The following NF1 variants were observed in gnomAD, a reference collection of about 807,000 sequenced individuals.
NF1 encodes the protein neurofibromin 1.
A neutral mutation model predicts 325.7 loss-of-function variants in NF1; 122 were observed. The observed-to-expected ratio is 0.37, with a 90% CI of 0.32 to 0.44. The LOEUF (loss-of-function observed/expected upper bound fraction) is 0.44. Ranked by LOEUF, NF1 falls within the 20% of genes least tolerant of loss-of-function variation. The pLI is 1.00. For synonymous variants in NF1, 1,091 were observed against 1,186.0 expected (o/e 0.92, Z 1.65); for missense variants, 2,140 against 3,415.4 (o/e 0.63, Z 9.31).
intron 1 of NF1, among the ~76,000 whole-genome samples, chr17:31,148,074 T>TA (rs1937319135): frequency 6.6e-6 from 1 of 152,226 alleles, no homozygotes; most frequent in Admixed American, 6.5e-5. Context: ...TTTGGAATCT[T>TA]AGTGTTGCTA....
chr17:31,356,734 A>G, intron 52 of NF1, 152 bp downstream of exon 52: 1 of 1,235,178 alleles, frequency 8.1e-7, no homozygotes, highest in Non-Finnish European at 1.1e-6. Flanking sequence ...CATTCAAGAC[A>G]GTTATCTTGA....
In NF1 at chr17:31,226,581, A is replaced by G. The variant is rs2067018833; in HGVS notation, c.2148A>G (p.Glu716=). ...AMSCFRHLCE[E]ADIRCGVDEV... is the part of the protein sequence containing the mutation. ...CCTGTTTCCGCCACCTCTGTGAGGAAGCAGATATCCGGTGTGGGGTGGATG... is the reference window on the plus strand; with the variant it reads ...CCTGTTTCCGCCACCTCTGTGAGGAGGCAGATATCCGGTGTGGGGTGGATG... The change falls in exon 18 of 58, where the codon GAA becomes GAG. Residue 716 remains glutamate, a synonymous_variant. Transcript: ENST00000358273. 6.2e-7 allele frequency: 1 copy of G among 1,613,888 alleles called. No individual in the cohort carries two copies. Among genetic ancestry groups the G allele is most frequent in the Non-Finnish European group, 8.5e-7 (1 of 1,179,804 alleles).
intron 56 of NF1, chr17:31,359,604 C>T (rs1268905811): frequency 6.4e-6 from 1 of 156,468 alleles, no homozygotes. Context: ...AGACTACAGG[C>T]ATGCAGCACC....
chr17:31,136,544 TCTTA>T (rs1915797350), intron 1 of NF1: 1 of 152,150 alleles, frequency 6.6e-6, no homozygotes, highest in African/African-American at 2.4e-5. Flanking sequence ...TCCTGCTTCG[TCTTA>T]CTTGGGATGC....
chr17:31,235,225 A>C (rs1175396013), intron 27 of NF1, among the ~76,000 whole-genome samples: 1 of 152,180 alleles, frequency 6.6e-6, no homozygotes, highest in African/African-American at 2.4e-5. Flanking sequence ...TCTTCTGATC[A>C]TCAATCTTAT....
At chr17:31,222,037 A>G (rs2066933447) in intron 15 of NF1, 108 bp downstream of exon 15, 3 of 1,314,080 alleles carry the variant, frequency 2.3e-6, no homozygotes, top group Admixed American at 6.9e-5. Flanking sequence ...TTACACTTCC[A>G]AAGGTTTTAT....
At chr17:31,209,109 A>G (rs2066676304) in intron 12 of NF1, among the ~76,000 whole-genome samples, 1 of 152,076 alleles carries the variant, frequency 6.6e-6, no homozygotes, top group Admixed American at 6.5e-5. Context: ...ACTAGATGCC[A>G]ATATTCCCTT....
At chr17:31,129,995 C>T (rs1463831835) in intron 1 of NF1, among the ~76,000 whole-genome samples, 1 of 149,974 alleles carries the variant, frequency 6.7e-6, no homozygotes, top group Non-Finnish European at 1.5e-5. Context: ...GATGCTCTGG[C>T]TTTTTGAGTC....
chr17:31,285,004 A>G (rs184051585), intron 36 of NF1, among the ~76,000 whole-genome samples: 1 of 151,574 alleles, frequency 6.6e-6, no homozygotes, highest in East Asian at 1.9e-4. Context: ...CTGTAATTCC[A>G]GCTACTCAGG....
intron 8 of NF1, among the ~76,000 whole-genome samples, chr17:31,186,448 G>C (rs2066240846): frequency 6.6e-6 from 1 of 152,222 alleles, no homozygotes; most frequent in Non-Finnish European, 1.5e-5. Flanking sequence ...AGTGCACGTG[G>C]TTGTGTACTT....
chr17:31,349,485 A>C (rs1265109745), intron 49 of NF1, among the ~76,000 whole-genome samples: 1 of 152,200 alleles, frequency 6.6e-6, no homozygotes, highest in Non-Finnish European at 1.5e-5. Flanking sequence ...CTTTGGTTCA[A>C]GACACTACAG....
At chr17:31,294,898 G>A (rs2068427928) in intron 36 of NF1, 23 of 1,412,162 alleles carry the variant, frequency 1.6e-5, no homozygotes, top group South Asian at 2.3e-5. Flanking sequence ...TGTTAAGACT[G>A]GCTTTCTTGA....
chr17:31,095,572 G>A, intron 1 of NF1: 1 of 586,190 alleles, frequency 1.7e-6, no homozygotes, highest in Non-Finnish European at 3.0e-6. Context: ...TGGGAGCTTG[G>A]GCACCCTTTC....
At chr17:31,155,083 A>G (rs2065635408) in intron 1 of NF1, among the ~76,000 whole-genome samples, 1 of 152,080 alleles carries the variant, frequency 6.6e-6, no homozygotes. Flanking sequence ...GATTTAGCAA[A>G]CTTGGGCATG....
chr17:31,267,453 A>T (rs542855071), intron 36 of NF1, among the ~76,000 whole-genome samples: 1 of 151,960 alleles, frequency 6.6e-6, no homozygotes, highest in East Asian at 1.9e-4. Flanking sequence ...TTAGTTTCTT[A>T]CTTAGACCTA....
rs904365273 is a variant in NF1 at position 31,283,403 on chromosome 17, T to G, written c.4835+18064T>G. 1.2e-3 allele frequency among the ~76,000 whole-genome samples: 172 copies of G among 145,002 alleles called. 1 individual carries two copies. Among genetic ancestry groups the G allele is most frequent in the African/African-American group, 4.1e-3 (160 of 39,418 alleles). ...CTGCACTCCAGCCTGGGCGACAGAG[T>G]GAGACTCCATCTCAAAAAAACAAAC... On this transcript the variant is annotated intron_variant, in intron 36 of 57. Coordinates refer to ENST00000358273, the MANE Select transcript of NF1 (RefSeq NM_001042492.3).
intron 5 of NF1, among the ~76,000 whole-genome samples, chr17:31,181,002 A>G (rs940883288): frequency 6.6e-6 from 1 of 152,314 alleles, no homozygotes; most frequent in African/African-American, 2.4e-5. Context: ...CACAACTGCT[A>G]CAAAGAGAAT....
chr17:31,221,506 T>G lies in NF1; in HGVS notation c.1642-344T>G, dbSNP rs17883447. On this transcript the variant is annotated intron_variant, in intron 14 of 57. Transcript: ENST00000358273. ...CAAGCCTTCTTACTTGGGGATTAGC[T>G]TTTTGTTTCATAGAGTTCTTTAATA... Among the ~76,000 whole-genome samples, 560 of 152,262 alleles carry G rather than the reference T, an allele frequency of 3.7e-3. 6 individuals are homozygous for G. Among genetic ancestry groups the G allele is most frequent in the Middle Eastern group, 0.017 (5 of 294 alleles).
chr17:31,184,946 G>A (rs2066212132), intron 8 of NF1, among the ~76,000 whole-genome samples: 2 of 152,198 alleles, frequency 1.3e-5, no homozygotes, highest in South Asian at 2.1e-4. Context: ...GAAAGGGCAT[G>A]TGTGGGAGGA....
Sources: allele counts gnomAD v4.1 joint callset (sites outside exome capture counted in the v4.1 genomes callset), GRCh38; gene constraint gnomAD v4.1.1; transcripts MANE v1.5; gene names NCBI Gene and HGNC (gene_info 2026-07-23, HGNC 2026-07-21).